Variants in FSHR observed in about 807,000 individuals in gnomAD.
FSHR encodes the protein follicle stimulating hormone receptor.
A neutral mutation model predicts 52.1 loss-of-function variants in FSHR; 46 were observed. The ratio of observed to expected loss-of-function variants is 0.88; its 90% CI spans 0.70 to 1.13. FSHR has a LOEUF of 1.13. FSHR is among the 50% of genes most tolerant of loss of function. FSHR has a pLI of 0.00. For missense variants in FSHR, 964 were observed against 834.6 expected (o/e 1.16, Z -1.91); for synonymous variants, 399 against 309.6 (o/e 1.29, Z -3.03).
Position 49,068,230 on chromosome 2 carries a change from G to T in FSHR, c.213C>A (p.Asp71Glu). 1.2e-6 allele frequency: 2 copies of T among 1,610,298 alleles called. No homozygotes were observed. Among genetic ancestry groups the T allele is most frequent in the Non-Finnish European group, 1.7e-6 (2 of 1,178,296 alleles). Reference sequence around the variant, plus strand: ...TGCTAGGTACATACATTTTCTCCAGGTCCCCAAATCCTGAAAATGCACCTT... The same window carrying T: ...TGCTAGGTACATACATTTTCTCCAGTTCCCCAAATCCTGAAAATGCACCTT... ...IQKGAFSGFG[D>E]LEKIEISQND... Residue 71 changes from aspartate (D) to glutamate (E), a missense_variant, in exon 2 of 10, where the codon GAC becomes GAA. Transcript: ENST00000406846.
intron 1 of FSHR, among the ~76,000 whole-genome samples, chr2:49,151,044 T>G (rs1673041870): frequency 1.3e-5 from 2 of 152,282 alleles, no homozygotes; most frequent in South Asian, 2.1e-4. Context: ...ACATGTTGTT[T>G]ATGGCTGCTT....
chr2:49,057,831 G>C (rs1482039155), intron 2 of FSHR, among the ~76,000 whole-genome samples: 2 of 152,162 alleles, frequency 1.3e-5, no homozygotes, highest in Non-Finnish European at 2.9e-5. Flanking sequence ...TGAGAATTAA[G>C]TGGGATTTAT....
chr2:48,983,231 T>A, intron 6 of FSHR, 65 bp from the exon 7 acceptor site: 1 of 1,474,050 alleles, frequency 6.8e-7, no homozygotes, highest in Non-Finnish European at 9.5e-7. Context: ...GGTTTCATAA[T>A]TGGAAGCACT....
At chr2:49,110,101 T>A (rs1174599966) in intron 1 of FSHR, among the ~76,000 whole-genome samples, 1 of 152,200 alleles carries the variant, frequency 6.6e-6, no homozygotes, top group East Asian at 1.9e-4. Flanking sequence ...CATGTTTTTA[T>A]GTTGCTTATG....
intron 8 of FSHR, 136 bp from the exon 9 acceptor site, chr2:48,969,019 C>T (rs1414767087): frequency 3.8e-6 from 3 of 793,472 alleles, no homozygotes; most frequent in African/African-American, 1.7e-5. Context: ...TCCTCCAACA[C>T]ACCTTGGCCA....
intron 1 of FSHR, among the ~76,000 whole-genome samples, chr2:49,074,710 G>A (rs1669881810): frequency 6.6e-6 from 1 of 152,026 alleles, no homozygotes; most frequent in African/African-American, 2.4e-5. Flanking sequence ...ATATCAAAGA[G>A]ACATCTACAC....
intron 1 of FSHR, among the ~76,000 whole-genome samples, chr2:49,131,964 T>C: frequency 6.6e-6 from 1 of 152,206 alleles, no homozygotes; most frequent in East Asian, 1.9e-4. Flanking sequence ...CAAATATTGC[T>C]CTGCCCATCC....
At chr2:49,083,956 G>A (rs982838569) in intron 1 of FSHR, among the ~76,000 whole-genome samples, 2 of 151,758 alleles carry the variant, frequency 1.3e-5, no homozygotes, top group African/African-American at 2.4e-5. Context: ...AGTCAAAAAG[G>A]ATACCCAGGA....
chr2:49,055,519 A>T (rs1669022632), intron 2 of FSHR, among the ~76,000 whole-genome samples: 1 of 131,366 alleles, frequency 7.6e-6, no homozygotes, highest in Non-Finnish European at 1.6e-5. Context: ...GAACATCCAG[A>T]TCCAGGAAGC....
chr2:49,030,186 C>T (rs1228543348), intron 2 of FSHR, among the ~76,000 whole-genome samples: 3 of 151,950 alleles, frequency 2.0e-5, no homozygotes, highest in Non-Finnish European at 4.4e-5. Context: ...AAAGAGGGCT[C>T]CATTGATACC....
chr2:49,054,557 A>G (rs1169568252), intron 2 of FSHR, among the ~76,000 whole-genome samples: 1 of 152,176 alleles, frequency 6.6e-6, no homozygotes, highest in East Asian at 1.9e-4. Context: ...CATGCTTTCA[A>G]GCCAGTGGAG....
At chr2:49,143,358 C>CTT (rs1672756685) in intron 1 of FSHR, among the ~76,000 whole-genome samples, 1 of 152,172 alleles carries the variant, frequency 6.6e-6, no homozygotes. Flanking sequence ...ACCACAGAAT[C>CTT]TGCCATATGA....
Position 49,036,125 on chromosome 2 carries a change from A to G in FSHR, c.225-15965T>C, listed in dbSNP as rs189470176. Among the ~76,000 whole-genome samples the G allele has an allele frequency of 1.5e-3, 226 of 152,334 alleles. 2 individuals are homozygous for G. The highest frequency in any genetic ancestry group is 5.4e-3 in the African/African-American group (224 of 41,584). On this transcript the variant is annotated intron_variant, in intron 2 of 9. Transcript: ENST00000406846. The stretch of plus-strand genomic sequence containing the variant: ...ATGTACCATGTATTTTAGATTCTCT[A>G]TTATGATGGACATTAATCAACATCT...
intron 4 of FSHR, among the ~76,000 whole-genome samples, chr2:49,001,275 G>C (rs940827304): frequency 2.6e-5 from 4 of 152,072 alleles, no homozygotes; most frequent in Admixed American, 2.6e-4. Flanking sequence ...CTATTTTATA[G>C]ATAAGAAAAC....
At chr2:49,089,406 A>G (rs952662780) in intron 1 of FSHR, among the ~76,000 whole-genome samples, 12 of 152,212 alleles carry the variant, frequency 7.9e-5, no homozygotes. Flanking sequence ...AGATACTATT[A>G]GAACAGAGCA....
At position 48,969,733 on chromosome 2, in the gene FSHR, G is replaced by C. The variant is rs77423763; in HGVS notation, c.669-850C>G. Among the ~76,000 whole-genome samples the C allele has an allele frequency of 3.1e-3, 472 of 152,326 alleles. 6 individuals carry two copies. Among genetic ancestry groups the C allele is most frequent in the African/African-American group, 0.011 (457 of 41,578 alleles). ...TAGGAAAGTCTCTGCCTGTCCATTA[G>C]ACCTCAGCACAAATGACCAGTTTAA... On this transcript the variant is annotated intron_variant, in intron 8 of 9. Transcript: ENST00000406846.
At position 48,962,738 on chromosome 2, in the gene FSHR, T is replaced by G; in HGVS notation, c.2083A>C (p.Asn695His). Residue 695 changes from asparagine (N) to histidine (H), a missense_variant, in exon 10 of 10, where the codon AAC becomes CAC. Physicochemically the swap from Asn to His is moderately conservative, Grantham distance 68. Transcript: ENST00000406846. ...ILVPLSHLAQ[N>H] ...ATACATTTTCACATTGTGTTTTAGT[T>G]TTGGGCTAAATGACTTAGAGGGACA... 6.2e-7 allele frequency: 1 copy of G among 1,613,624 alleles called. No homozygotes were observed. The highest frequency in any genetic ancestry group is 8.5e-7 in the Non-Finnish European group (1 of 1,179,558).
intron 1 of FSHR, among the ~76,000 whole-genome samples, chr2:49,091,949 C>T (rs1220824713): frequency 3.3e-5 from 5 of 152,000 alleles, no homozygotes; most frequent in South Asian, 4.2e-4. Flanking sequence ...TTATGTTAAC[C>T]TACAGATCAG....
intron 1 of FSHR, among the ~76,000 whole-genome samples, chr2:49,087,760 T>C (rs1670454198): frequency 1.3e-5 from 2 of 152,316 alleles, no homozygotes; most frequent in South Asian, 4.1e-4. Flanking sequence ...AGAGGACTAA[T>C]ATATCCTGTT....
Sources: gnomAD v4.1 joint callset for allele counts (sites outside exome capture counted in the v4.1 genomes callset) on GRCh38, gnomAD v4.1.1 for gene constraint, MANE v1.5 for transcripts, NCBI Gene and HGNC (gene_info 2026-07-23, HGNC 2026-07-21) for gene names.